GPR149: variants seen among roughly 807,000 people sequenced by gnomAD.
The protein encoded by GPR149 is G protein-coupled receptor 149.
In GPR149, 50 loss-of-function variants were observed where a neutral mutation model predicts 50.2. The observed-to-expected ratio is 1.00, with a 90% CI of 0.79 to 1.26. The LOEUF is 1.26. GPR149 is among the 50% of genes most tolerant of loss of function. The pLI is 0.00. For missense variants in GPR149, 983 were observed against 895.4 expected, an observed-to-expected ratio of 1.10 and a Z score of -1.25; for synonymous variants, 405 against 358.2, an observed-to-expected ratio of 1.13 and a Z score of -1.48.
chr3:154,424,881 C>CAA (rs564951442), intron 2 of GPR149, among the ~76,000 whole-genome samples: 2 of 127,950 alleles, frequency 1.6e-5, no homozygotes, highest in Non-Finnish European at 3.4e-5. Flanking sequence ...ATCATTTTGT[C>CAA]AAAAAAAAAA....
chr3:154,385,340 T>C (rs544820246), intron 3 of GPR149, among the ~76,000 whole-genome samples: 1 of 152,162 alleles, frequency 6.6e-6, no homozygotes, highest in African/African-American at 2.4e-5. Flanking sequence ...TTGTGAACAA[T>C]AAGAAGCTTG....
chr3:154,371,271 T>C (rs1714658098), intron 3 of GPR149, among the ~76,000 whole-genome samples: 1 of 152,158 alleles, frequency 6.6e-6, no homozygotes, highest in Admixed American at 6.5e-5. Flanking sequence ...CTTGTCTAAC[T>C]TCAGGCATTT....
intron 3 of GPR149, among the ~76,000 whole-genome samples, chr3:154,374,619 T>C (rs1191725025): frequency 1.3e-5 from 2 of 152,164 alleles, no homozygotes; most frequent in African/African-American, 4.8e-5. Context: ...ATATTCTGAT[T>C]TTCAAAAAGC....
intron 2 of GPR149, among the ~76,000 whole-genome samples, chr3:154,423,778 A>G (rs939512337): frequency 6.6e-6 from 1 of 151,876 alleles, no homozygotes; most frequent in African/African-American, 2.4e-5. Context: ...AGGTCTTTTT[A>G]AAAAATGAAC....
intron 1 of GPR149, among the ~76,000 whole-genome samples, chr3:154,427,957 C>A (rs1712354817): frequency 6.6e-6 from 1 of 152,244 alleles, no homozygotes; most frequent in South Asian, 2.1e-4. Context: ...ATTCAAGACT[C>A]CACCAGAAAG....
intron 3 of GPR149, chr3:154,354,051 A>T: frequency 2.2e-6 from 1 of 446,664 alleles, no homozygotes; most frequent in Non-Finnish European, 4.3e-6. Flanking sequence ...CATTTGGTAG[A>T]TCTTTTCTTC....
At chr3:154,356,961 A>T (rs1035959016) in intron 3 of GPR149, among the ~76,000 whole-genome samples, 2 of 152,204 alleles carry the variant, frequency 1.3e-5, no homozygotes, top group African/African-American at 4.8e-5. Flanking sequence ...CCAAAACAGC[A>T]TGGTACTGGT....
intron 3 of GPR149, among the ~76,000 whole-genome samples, chr3:154,370,650 C>A (rs1017660736): frequency 3.9e-5 from 6 of 152,096 alleles, no homozygotes; most frequent in Non-Finnish European, 7.4e-5. Flanking sequence ...CAGCTCATGC[C>A]ATCACCCACA....
In GPR149 at chr3:154,427,606, C is replaced by G; in HGVS notation, c.1084G>C (p.Val362Leu). Residue 362 changes from valine (V) to leucine (L), a missense_variant, in exon 2 of 4, where the codon GTC (valine) becomes CTC (leucine). Val to Leu is a conservative substitution (Grantham distance 32). Transcript: ENST00000389740. ...AAGTGGGTCCAGCGTTTGGACAAGA[C>G]AAACACTGGGGTTACAGTGGTGGCC... ...LLATTVTPVFVLSKRWTHLPC... is the reference protein window; with the variant it reads ...LLATTVTPVFLLSKRWTHLPC... 6.2e-7 allele frequency: 1 copy of G among 1,614,178 alleles called. No homozygotes were observed.
chr3:154,394,925 A>C (rs1254100713), intron 3 of GPR149, among the ~76,000 whole-genome samples: 1 of 152,102 alleles, frequency 6.6e-6, no homozygotes, highest in African/African-American at 2.4e-5. Context: ...TAGCATTCCA[A>C]CTGTTAGTAG....
In GPR149 at chr3:154,430,095, T is replaced by A. The variant is rs565318277; in HGVS notation, c.-480A>T. Among the ~76,000 whole-genome samples the A allele has an allele frequency of 2.6e-5, 4 of 151,438 alleles. No individual in the cohort carries two copies. Among genetic ancestry groups the A allele is most frequent in the Non-Finnish European group, 4.4e-5 (3 of 67,926 alleles). On this transcript the variant is annotated 5_prime_UTR_variant, in exon 1 of 4. Coordinates refer to ENST00000389740, the MANE Select transcript of GPR149 (RefSeq NM_001038705.3). ...AGAGCTGGATTCAAAGGCAGGAGATTGTCAGGTAGGTTTCAGCTTTGAAGG... is the reference window on the plus strand; with the variant it reads ...AGAGCTGGATTCAAAGGCAGGAGATAGTCAGGTAGGTTTCAGCTTTGAAGG...
intron 3 of GPR149, among the ~76,000 whole-genome samples, chr3:154,342,642 C>G (rs1713823678): frequency 6.6e-6 from 1 of 152,144 alleles, no homozygotes; most frequent in African/African-American, 2.4e-5. Context: ...CTCCTGACCT[C>G]AGGTGATTCA....
At position 154,346,453 on chromosome 3, in the gene GPR149, C is replaced by T. The variant is rs1195553484; in HGVS notation, c.1624-8182G>A. ...CAAATTAGAGAAAACACAAGAATTC[C>T]TCAAGGAAAGAGAGAACAAGGGCAA... On this transcript the variant is annotated intron_variant, in intron 3 of 3. Transcript: ENST00000389740. Among the ~76,000 whole-genome samples the T allele has an allele frequency of 3.9e-5, 6 of 152,092 alleles. No individual in the cohort carries two copies. The South Asian group carries it at 1.2e-3, about 32-fold the overall frequency.
At chr3:154,394,756 C>T (rs1715252091) in intron 3 of GPR149, among the ~76,000 whole-genome samples, 1 of 152,118 alleles carries the variant, frequency 6.6e-6, no homozygotes, top group Admixed American at 6.5e-5. Context: ...AAAATATGCT[C>T]TGGGGTTGAA....
rs1303175830 is a variant in GPR149 at position 154,420,983 on chromosome 3, G to A, written c.1623+56C>T. On this transcript the variant is annotated intron_variant, in intron 3 of 3. Coordinates refer to ENST00000389740, the MANE Select transcript of GPR149 (RefSeq NM_001038705.3). The stretch of plus-strand genomic sequence containing the variant: ...ACAAACAACTGATAATGTTTTTCAT[G>A]ACTATCATATTTAGTATCACTTTCA... 20 of 1,237,886 alleles carry A rather than the reference G, an allele frequency of 1.6e-5. No homozygotes were observed. The South Asian group carries it at 2.7e-4, about 17-fold the overall frequency. The allele number at this position is 1,237,886 out of a possible 1,614,324, so 76.7% of individuals were successfully genotyped here.
chr3:154,376,399 A>G (rs754181593), intron 3 of GPR149, among the ~76,000 whole-genome samples: 11 of 152,240 alleles, frequency 7.2e-5, no homozygotes, highest in Non-Finnish European at 1.3e-4. Flanking sequence ...GTGTGCTTAT[A>G]TAAGTCAATT....
intron 3 of GPR149, among the ~76,000 whole-genome samples, chr3:154,404,526 T>A (rs1036325510): frequency 7.2e-5 from 11 of 152,182 alleles, no homozygotes; most frequent in Non-Finnish European, 1.3e-4. Context: ...TGTGACATAT[T>A]TAAAGATCCC....
In GPR149 at chr3:154,421,429, T is replaced by G; in HGVS notation, c.1233A>C (p.Lys411Asn). 6.2e-7 allele frequency: 1 copy of G among 1,604,472 alleles called. No individual in the cohort carries two copies. Among genetic ancestry groups the G allele is most frequent in the African/African-American group, 1.3e-5 (1 of 74,450 alleles). ...LSFQKSYGIY[K>N]IAHEDYYDDD... The stretch of plus-strand genomic sequence containing the variant: ...CATCATAGTAATCTTCATGTGCTAT[T>G]TTATAAATCCCATAACTTTTTTGGA... Residue 411 changes from lysine (K) to asparagine (N), a missense_variant, in exon 3 of 4, where the codon AAA becomes AAC. By Grantham distance (94) the Lys-to-Asn change is moderately conservative. Transcript: ENST00000389740.
chr3:154,346,319 T>G (rs939426214), intron 3 of GPR149, among the ~76,000 whole-genome samples: 15 of 152,204 alleles, frequency 9.9e-5, no homozygotes, highest in African/African-American at 2.9e-4. Flanking sequence ...TTTTTGGAAT[T>G]TATTTTTTAT....
Sources: gnomAD v4.1 joint callset for allele counts (sites outside exome capture counted in the v4.1 genomes callset) on GRCh38, gnomAD v4.1.1 for gene constraint, MANE v1.5 for transcripts, NCBI Gene and HGNC (gene_info 2026-07-23, HGNC 2026-07-21) for gene names.